The following CHST8 variants were observed in gnomAD, a reference collection of about 807,000 sequenced individuals.
CHST8 encodes carbohydrate sulfotransferase 8.
Under a neutral mutation model 15.0 loss-of-function variants are expected in CHST8, and 10 were observed. The ratio of observed to expected loss-of-function variants is 0.67; its 90% CI spans 0.41 to 1.13. The LOEUF (loss-of-function observed/expected upper bound fraction) is 1.13. CHST8 is among the 50% of genes most tolerant of loss of function. CHST8 has a pLI of 0.00. For missense variants in CHST8, 634 were observed against 608.2 expected (o/e 1.04, Z -0.45); for synonymous variants, 259 against 256.6 (o/e 1.01, Z -0.09).
chr19:33,639,425 C>T (rs1400500551), intron 1 of CHST8, among the ~76,000 whole-genome samples: 1 of 152,112 alleles, frequency 6.6e-6, no homozygotes, highest in Non-Finnish European at 1.5e-5. Context: ...CCAGGAGGAG[C>T]CTCTCAGCAT....
chr19:33,672,177 A>T (rs1972746520), intron 2 of CHST8, among the ~76,000 whole-genome samples: 1 of 150,088 alleles, frequency 6.7e-6, no homozygotes, highest in South Asian at 2.1e-4. Context: ...TTCTCCATTG[A>T]AAGTATTTCT....
intron 3 of CHST8, among the ~76,000 whole-genome samples, chr19:33,763,356 G>A (rs1409680315): frequency 6.6e-6 from 1 of 152,216 alleles, no homozygotes; most frequent in Non-Finnish European, 1.5e-5. Flanking sequence ...AAAGCTGGAG[G>A]AGAGAGGCCA....
At chr19:33,703,818 T>C (rs1299225322) in intron 3 of CHST8, among the ~76,000 whole-genome samples, 2 of 152,270 alleles carry the variant, frequency 1.3e-5, no homozygotes, top group Non-Finnish European at 2.9e-5. Flanking sequence ...AGTTTTGACT[T>C]GAATCATAGT....
chr19:33,652,526 G>C (rs4805917), intron 1 of CHST8, among the ~76,000 whole-genome samples: 41,881 of 151,286 alleles, frequency 0.28, 7,158 homozygotes, highest in African/African-American at 0.46. Flanking sequence ...CAGGCGCCCA[G>C]CAACACGCCC....
chr19:33,642,810 C>T (rs776786342), intron 1 of CHST8, among the ~76,000 whole-genome samples: 8 of 152,194 alleles, frequency 5.3e-5, no homozygotes, highest in Non-Finnish European at 1.0e-4. Flanking sequence ...GCTTTATATA[C>T]GTAAACTCGT....
At chr19:33,750,426 C>T (rs1474536556) in intron 3 of CHST8, among the ~76,000 whole-genome samples, 1 of 152,174 alleles carries the variant, frequency 6.6e-6, no homozygotes, top group African/African-American at 2.4e-5. Flanking sequence ...GAGAGCCATC[C>T]ATCCGGGAGG....
chr19:33,655,285 C>A (rs997735007), intron 1 of CHST8, among the ~76,000 whole-genome samples: 10 of 152,154 alleles, frequency 6.6e-5, no homozygotes, highest in Non-Finnish European at 1.3e-4. Context: ...GATCTGCCCG[C>A]CTCAGCCTCC....
At chr19:33,685,021 C>T (rs1972951891) in intron 2 of CHST8, 1 of 152,226 alleles carries the variant, frequency 6.6e-6, no homozygotes, top group African/African-American at 2.4e-5. Flanking sequence ...AGCCCGGGGT[C>T]CGCTGACCAC....
intron 1 of CHST8, among the ~76,000 whole-genome samples, chr19:33,627,376 T>G (rs909894151): frequency 6.6e-6 from 1 of 151,964 alleles, no homozygotes; most frequent in African/African-American, 2.4e-5. Flanking sequence ...GCTCCCAAAG[T>G]GCTGGGTTTA....
intron 3 of CHST8, among the ~76,000 whole-genome samples, chr19:33,706,664 C>T (rs949237748): frequency 1.3e-5 from 2 of 152,184 alleles, no homozygotes; most frequent in Admixed American, 6.5e-5. Context: ...CCCTTGCCCA[C>T]GACCCGCACA....
At chr19:33,742,755 G>A (rs906250577) in intron 3 of CHST8, among the ~76,000 whole-genome samples, 1 of 152,014 alleles carries the variant, frequency 6.6e-6, no homozygotes, top group African/African-American at 2.4e-5. Flanking sequence ...TTGTTTTTTG[G>A]GATGCCATGT....
intron 1 of CHST8, among the ~76,000 whole-genome samples, chr19:33,625,089 T>C (rs1284228359): frequency 8.4e-6 from 1 of 119,030 alleles, no homozygotes; most frequent in Non-Finnish European, 1.7e-5. Flanking sequence ...TCTTTCTTTC[T>C]TTTTTTTTTT....
At chr19:33,669,223 A>G (rs1378306302) in intron 2 of CHST8, among the ~76,000 whole-genome samples, 1 of 152,180 alleles carries the variant, frequency 6.6e-6, no homozygotes, top group Non-Finnish European at 1.5e-5. Context: ...CCCTTTGGCT[A>G]CTGGCCACAG....
Position 33,772,527 on chromosome 19 carries a change from C to A in CHST8, c.739C>A (p.Arg247Ser). Residue 247 changes from arginine to serine, a missense_variant, in exon 5 of 5, where the codon CGT (arginine) becomes AGT (serine). Transcript: ENST00000650847. ...DTFDRQGILH[R>S]LSTYTKMLFV... Reference sequence around the variant, plus strand: ...CTTCGACCGCCAGGGTATCTTGCACCGTCTCAGCACCTACACCAAGATGCT... The same window carrying A: ...CTTCGACCGCCAGGGTATCTTGCACAGTCTCAGCACCTACACCAAGATGCT... 6.2e-7 allele frequency: 1 copy of A among 1,613,982 alleles called. No individual in the cohort carries two copies. Among genetic ancestry groups the A allele is most frequent in the Non-Finnish European group, 8.5e-7 (1 of 1,179,994 alleles).
intron 1 of CHST8, among the ~76,000 whole-genome samples, chr19:33,642,358 A>C (rs966203363): frequency 6.9e-6 from 1 of 144,728 alleles, no homozygotes; most frequent in African/African-American, 2.6e-5. Context: ...TTCCACCTTC[A>C]TAAGTCTTTT....
chr19:33,698,914 G>A (rs1279331800), intron 3 of CHST8, among the ~76,000 whole-genome samples: 1 of 152,162 alleles, frequency 6.6e-6, no homozygotes, highest in East Asian at 1.9e-4. Flanking sequence ...CCCCAGGCCT[G>A]GACGCTGGCA....
intron 3 of CHST8, among the ~76,000 whole-genome samples, chr19:33,709,073 T>C (rs1408721559): frequency 6.6e-6 from 1 of 152,252 alleles, no homozygotes; most frequent in Non-Finnish European, 1.5e-5. Flanking sequence ...TTTGTATATT[T>C]ATCTTGGAAC....
intron 3 of CHST8, among the ~76,000 whole-genome samples, chr19:33,711,239 C>T (rs1384416263): frequency 1.3e-5 from 2 of 152,114 alleles, no homozygotes; most frequent in Admixed American, 6.5e-5. Flanking sequence ...AAAGAAGCTA[C>T]CAGGCTTCTC....
In CHST8 at chr19:33,773,256, C is replaced by T. The variant is rs1975051566; in HGVS notation, c.*193C>T. ...CTTGGATGGGGACCCCAGCCCCTGGCCTGTACCTGTTTCCTCATTCCTTGG... is the reference window on the plus strand; with the variant it reads ...CTTGGATGGGGACCCCAGCCCCTGGTCTGTACCTGTTTCCTCATTCCTTGG... On this transcript the variant is annotated 3_prime_UTR_variant, in exon 5 of 5. Transcript: ENST00000650847. 3.2e-6 allele frequency: 2 copies of T among 624,136 alleles called. No individual in the cohort carries two copies. Among genetic ancestry groups the T allele is most frequent in the Non-Finnish European group, 2.7e-6 (1 of 364,540 alleles). The allele number at this position is 624,136 out of a possible 1,614,324, so 38.7% of individuals were successfully genotyped here. A position where few individuals can be genotyped will look rare whatever the true frequency, so the allele number is the denominator to read the frequency against.
Sources: gnomAD v4.1 joint callset for allele counts (sites outside exome capture counted in the v4.1 genomes callset) on GRCh38, gnomAD v4.1.1 for gene constraint, MANE v1.5 for transcripts, NCBI Gene and HGNC (gene_info 2026-07-23, HGNC 2026-07-21) for gene names.